GSK3B: variants seen among roughly 807,000 people sequenced by gnomAD.
The protein encoded by GSK3B is glycogen synthase kinase 3 beta, also known as glycogen synthase kinase-3 beta.
A neutral mutation model predicts 56.4 loss-of-function variants in GSK3B; 15 were observed. The ratio of observed to expected loss-of-function variants is 0.27; its 90% CI spans 0.18 to 0.41. The LOEUF (loss-of-function observed/expected upper bound fraction) is 0.41. Among genes scored for constraint, GSK3B ranks in the 10% least tolerant of loss-of-function variants. GSK3B has a pLI of 1.00. For synonymous variants in GSK3B, 181 were observed against 188.9 expected (o/e 0.96, Z 0.34); for missense variants, 300 against 513.4 (o/e 0.58, Z 4.02).
rs145894325 is a variant in GSK3B, at chr3:120,009,977, G to C, written c.89-7738C>G. Reference sequence around the variant, plus strand: ...TGAATATTTATGTCTTTAGGTCCAAGGTAAAACACTCAAACTGGCATGATT... The same window carrying C: ...TGAATATTTATGTCTTTAGGTCCAACGTAAAACACTCAAACTGGCATGATT... On this transcript the variant is annotated intron_variant, in intron 1 of 10. Transcript: ENST00000264235. 2.1e-4 allele frequency among the ~76,000 whole-genome samples: 32 copies of C among 152,104 alleles called. No individual in the cohort carries two copies. The East Asian group carries it at 6.2e-3, about 29-fold the overall frequency.
intron 1 of GSK3B, among the ~76,000 whole-genome samples, chr3:120,012,317 C>G (rs2057785231): frequency 6.6e-6 from 1 of 152,204 alleles, no homozygotes; most frequent in African/African-American, 2.4e-5. Flanking sequence ...TGTAACAAAT[C>G]TGCTTAAACA....
chr3:120,026,512 T>TACACACACACAC (rs61580328), intron 1 of GSK3B, among the ~76,000 whole-genome samples: 4,669 of 130,332 alleles, frequency 0.036, 83 homozygotes, highest in African/African-American at 0.046. Flanking sequence ...TACCGCCAAA[T>TACACACACACAC]ACACACACAC....
Position 119,843,251 on chromosome 3 carries a change from T to C in GSK3B, c.1195+4A>G. 6.4e-7 allele frequency: 1 copy of C among 1,574,730 alleles called. No individual in the cohort carries two copies. The highest frequency in any genetic ancestry group is 2.3e-5 in the East Asian group (1 of 43,854). On this transcript the variant is annotated splice_donor_region_variant and intron_variant, in intron 10 of 10. Coordinates refer to ENST00000264235, the MANE Select transcript of GSK3B (RefSeq NM_001146156.2). ...TTTATAGAAGAGACTTAGAACGTTC[T>C]TACCTGACGCTGCTGTGGCATTTGT...
At chr3:119,985,938 T>C (rs1381169559) in intron 2 of GSK3B, among the ~76,000 whole-genome samples, 1 of 152,212 alleles carries the variant, frequency 6.6e-6, no homozygotes, top group Non-Finnish European at 1.5e-5. Flanking sequence ...CAAACTATAC[T>C]ACAAGGCTAC....
At chr3:119,904,061 G>A (rs542684298) in intron 7 of GSK3B, among the ~76,000 whole-genome samples, 11 of 152,058 alleles carry the variant, frequency 7.2e-5, no homozygotes, top group Non-Finnish European at 1.3e-4. Flanking sequence ...CAATTCTTCT[G>A]GTTAGTAGAG....
intron 1 of GSK3B, among the ~76,000 whole-genome samples, chr3:120,034,725 T>C (rs572247877): frequency 2.6e-5 from 4 of 152,324 alleles, no homozygotes; most frequent in African/African-American, 9.6e-5. Flanking sequence ...AAAAAAGATA[T>C]GTTAAACTCC....
In GSK3B at chr3:119,826,758, T is replaced by C. The variant is rs199546717; in HGVS notation, c.*30A>G. Reference sequence around the variant, plus strand: ...AGTGACACTCAAGTAACTGGTGGTTTTTCCTGTGCAGCTGGCTGCTCGGGA... The same window carrying C: ...AGTGACACTCAAGTAACTGGTGGTTCTTCCTGTGCAGCTGGCTGCTCGGGA... On this transcript the variant is annotated 3_prime_UTR_variant, in exon 11 of 11. Coordinates refer to ENST00000264235, the MANE Select transcript of GSK3B (RefSeq NM_001146156.2). 58 of 1,509,886 alleles carry C rather than the reference T, an allele frequency of 3.8e-5. No individual in the cohort carries two copies. The East Asian group carries it at 9.7e-4, about 25-fold the overall frequency. 93.5% of individuals were successfully genotyped at this position (1,509,886 alleles called of 1,614,324 possible).
intron 2 of GSK3B, among the ~76,000 whole-genome samples, chr3:120,001,536 C>T (rs1445424554): frequency 1.3e-5 from 2 of 152,176 alleles, no homozygotes; most frequent in African/African-American, 4.8e-5. Flanking sequence ...ACTTCCTGTA[C>T]AGTTTGCAGA....
intron 1 of GSK3B, among the ~76,000 whole-genome samples, chr3:120,053,910 T>A (rs2058171933): frequency 2.0e-5 from 3 of 152,314 alleles, no homozygotes; most frequent in Admixed American, 6.5e-5. Flanking sequence ...TGTGAGTCCA[T>A]TAAACCTCTT....
intron 1 of GSK3B, among the ~76,000 whole-genome samples, chr3:120,079,529 G>C (rs971216372): frequency 6.6e-6 from 1 of 151,984 alleles, no homozygotes; most frequent in African/African-American, 2.4e-5. Flanking sequence ...CTAGTAGCTA[G>C]AATTACAGGC....
At chr3:119,994,053 G>A (rs1051454225) in intron 2 of GSK3B, among the ~76,000 whole-genome samples, 11 of 152,022 alleles carry the variant, frequency 7.2e-5, no homozygotes, top group African/African-American at 2.4e-4. Context: ...TAGTAGAGAC[G>A]GGGTTTCACC....
At chr3:120,022,694 G>A (rs567869094) in intron 1 of GSK3B, among the ~76,000 whole-genome samples, 1 of 152,298 alleles carries the variant, frequency 6.6e-6, no homozygotes, top group South Asian at 2.1e-4. Context: ...CAGATTAAGT[G>A]GGTCAATTCA....
intron 1 of GSK3B, among the ~76,000 whole-genome samples, chr3:120,072,798 T>G (rs899413450): frequency 6.6e-6 from 1 of 152,148 alleles, no homozygotes; most frequent in Admixed American, 6.5e-5. Context: ...CAAAAATTAT[T>G]GAGACCAATA....
At chr3:119,897,343 T>C (rs1377374992) in intron 7 of GSK3B, among the ~76,000 whole-genome samples, 4 of 152,170 alleles carry the variant, frequency 2.6e-5, no homozygotes, top group African/African-American at 9.6e-5. Flanking sequence ...AACATTATAC[T>C]AATGTTGAGC....
At chr3:120,048,823 T>C (rs1046194959) in intron 1 of GSK3B, among the ~76,000 whole-genome samples, 3 of 152,228 alleles carry the variant, frequency 2.0e-5, no homozygotes, top group Admixed American at 2.0e-4. Flanking sequence ...ACTTTTAGTA[T>C]GACTCTGCCC....
chr3:120,027,080 AAGC>A (rs1559882023), intron 1 of GSK3B, among the ~76,000 whole-genome samples: 1 of 151,034 alleles, frequency 6.6e-6, no homozygotes, highest in Non-Finnish European at 1.5e-5. Context: ...AAAAAAAAAA[AAGC>A]AGCAGGAACG....
chr3:119,865,698 T>C (rs1037740943), intron 8 of GSK3B, among the ~76,000 whole-genome samples: 5 of 151,672 alleles, frequency 3.3e-5, no homozygotes, highest in African/African-American at 1.2e-4. Context: ...CTCCATCTCC[T>C]GACCTCATGA....
chr3:119,995,162 CAA>C (rs1365906440), intron 2 of GSK3B, among the ~76,000 whole-genome samples: 9 of 67,732 alleles, frequency 1.3e-4, no homozygotes, highest in South Asian at 4.2e-4. Flanking sequence ...ACTGTCTCTA[CAA>C]AAAAAAAAAA....
intron 10 of GSK3B, among the ~76,000 whole-genome samples, chr3:119,834,883 T>G (rs1252090076): frequency 6.6e-6 from 1 of 152,140 alleles, no homozygotes; most frequent in Admixed American, 6.5e-5. Context: ...CTTCTAGAAG[T>G]GATGTCTAGG....
Sources: allele counts gnomAD v4.1 joint callset (sites outside exome capture counted in the v4.1 genomes callset), GRCh38; gene constraint gnomAD v4.1.1; transcripts MANE v1.5; gene names NCBI Gene and HGNC (gene_info 2026-07-23, HGNC 2026-07-21).